The following SVEP1 variants were observed in gnomAD, a reference collection of about 807,000 sequenced individuals.
SVEP1 encodes sushi, von Willebrand factor type A, EGF and pentraxin domain-containing protein 1.
Under a neutral mutation model 367.3 loss-of-function variants are expected in SVEP1, and 164 were observed. The observed-to-expected ratio is 0.45, with a 90% CI of 0.39 to 0.51. The LOEUF is 0.51. Among genes scored for constraint, SVEP1 ranks in the 20% least tolerant of loss-of-function variants. The probability of loss-of-function intolerance (pLI) is 0.00; values close to 1 mark genes in which losing one functional copy is unlikely to be tolerated. For missense variants in SVEP1, 4,117 were observed against 4,425.3 expected (o/e 0.93, Z 1.98); for synonymous variants, 1,666 against 1,611.6 (o/e 1.03, Z -0.81).
At chr9:110,416,113 A>G (rs1208083539) in intron 36 of SVEP1, among the ~76,000 whole-genome samples, 1 of 152,084 alleles carries the variant, frequency 6.6e-6, no homozygotes, top group South Asian at 2.1e-4. Flanking sequence ...CCTGTTTACT[A>G]TAAGGGCACA....
Position 110,574,742 on chromosome 9 carries a change from TC to T in SVEP1, c.531+4270del, listed in dbSNP as rs149539668. ...GACAGGGACTGAGTCCAGTCGACCTTCTTTTTTTTTTTTTTTTTTTTTTTGA... is the reference window on the plus strand; with the variant it reads ...GACAGGGACTGAGTCCAGTCGACCTTTTTTTTTTTTTTTTTTTTTTTTTGA... On this transcript the variant is annotated intron_variant, in intron 1 of 47. Coordinates refer to ENST00000374469, the MANE Select transcript of SVEP1 (RefSeq NM_153366.4). 5.7e-3 allele frequency among the ~76,000 whole-genome samples: 590 copies of T among 102,754 alleles called. 10 individuals carry two copies. Among genetic ancestry groups the T allele is most frequent in the African/African-American group, 0.011 (327 of 29,186 alleles). 67.4% of individuals were successfully genotyped at this position (102,754 alleles called of 152,430 possible).
chr9:110,406,698 C>A lies in SVEP1; in HGVS notation c.8902G>T (p.Gly2968Trp). ...AAGCACTGATACTGTATATGGCCCC[C>A]ATGAATAAAGGAAAAACCATTAGGG... ...GFPNGFSFIH[G>W]GHIQYQCFPG... Residue 2968 changes from glycine (G) to tryptophan (W), a missense_variant, in exon 38 of 48, where the codon GGG becomes TGG. Physicochemically the swap from Gly to Trp is radical, Grantham distance 184. This residue lies in a region of SVEP1 where 1,765 missense variants were observed against 1,781.1 expected (regional missense o/e 0.99). Transcript: ENST00000374469. The A allele has an allele frequency of 6.2e-7, 1 of 1,613,998 alleles. No individual in the cohort carries two copies.
At chr9:110,382,349 G>C (rs1381231185) in intron 43 of SVEP1, among the ~76,000 whole-genome samples, 1 of 152,102 alleles carries the variant, frequency 6.6e-6, no homozygotes, top group African/African-American at 2.4e-5. Context: ...ACTTAGTTTG[G>C]CTGGCTATGA....
intron 39 of SVEP1, among the ~76,000 whole-genome samples, chr9:110,403,317 T>C (rs888118193): frequency 2.1e-4 from 29 of 139,824 alleles, no homozygotes; most frequent in Non-Finnish European, 3.8e-4. Context: ...TTTTTTTTTT[T>C]TTTTTTGACA....
rs188403867 is a variant in SVEP1 at position 110,541,886 on chromosome 9, T to C, written c.964+4229A>G. Among the ~76,000 whole-genome samples, 198 of 142,918 alleles carry C rather than the reference T, an allele frequency of 1.4e-3. 2 individuals carry two copies. Among genetic ancestry groups the C allele is most frequent in the African/African-American group, 4.6e-3 (173 of 37,528 alleles). 93.8% of individuals were successfully genotyped at this position (142,918 alleles called of 152,430 possible). Reference sequence around the variant, plus strand: ...ATACATAGATATCTATATATATCTATATACATAGATATCTATATATATCTA... The same window carrying C: ...ATACATAGATATCTATATATATCTACATACATAGATATCTATATATATCTA... On this transcript the variant is annotated intron_variant, in intron 3 of 47. Transcript: ENST00000374469.
intron 31 of SVEP1, 49 bp from the exon 32 acceptor site, chr9:110,432,083 T>C (rs751831232): frequency 6.5e-7 from 1 of 1,545,108 alleles, no homozygotes; most frequent in African/African-American, 1.4e-5. Context: ...CTTTTCCGTA[T>C]GTATCAAACA....
At chr9:110,425,013 A>G (rs1022187940) in intron 36 of SVEP1, among the ~76,000 whole-genome samples, 1 of 152,194 alleles carries the variant, frequency 6.6e-6, no homozygotes, top group Non-Finnish European at 1.5e-5. Flanking sequence ...GTTTTGTTAA[A>G]AATTTGGCCA....
chr9:110,443,954 G>T (rs77762920), intron 26 of SVEP1, among the ~76,000 whole-genome samples: 2,272 of 152,142 alleles, frequency 0.015, 47 homozygotes, highest in East Asian at 0.072. Flanking sequence ...TAAACACTGA[G>T]GGGTAGGAAA....
chr9:110,409,036 A>G, intron 37 of SVEP1, 85 bp from the exon 38 acceptor site: 1 of 1,424,738 alleles, frequency 7.0e-7, no homozygotes, highest in Non-Finnish European at 9.4e-7. Context: ...GAAAAAAACT[A>G]AAAGGTCTAT....
At chr9:110,366,626 C>CTCTT (rs1827204741) in intron 47 of SVEP1, 66 bp from the exon 48 acceptor site, 1 of 1,469,434 alleles carries the variant, frequency 6.8e-7, no homozygotes, top group African/African-American at 1.4e-5. Flanking sequence ...GAGCTAACAT[C>CTCTT]TCTTTAGGAG....
At chr9:110,506,481 C>T (rs1410843650) in intron 5 of SVEP1, among the ~76,000 whole-genome samples, 1 of 152,184 alleles carries the variant, frequency 6.6e-6, no homozygotes, top group Non-Finnish European at 1.5e-5. Flanking sequence ...CACCTTATCT[C>T]AGCTTCTACC....
intron 47 of SVEP1, among the ~76,000 whole-genome samples, chr9:110,367,321 G>A (rs1827215176): frequency 6.6e-6 from 1 of 152,100 alleles, no homozygotes; most frequent in Non-Finnish European, 1.5e-5. Context: ...CACCATGCCT[G>A]GCTAATTTTT....
chr9:110,409,209 G>A (rs1194261537), intron 37 of SVEP1, among the ~76,000 whole-genome samples: 1 of 152,174 alleles, frequency 6.6e-6, no homozygotes, highest in Non-Finnish European at 1.5e-5. Flanking sequence ...GCCGAGGCAG[G>A]AGGAACACTT....
chr9:110,391,183 G>A (rs1827649234), intron 40 of SVEP1, among the ~76,000 whole-genome samples: 1 of 151,664 alleles, frequency 6.6e-6, no homozygotes, highest in Non-Finnish European at 1.5e-5. Context: ...TACCAAATAA[G>A]ATCCATACAC....
chr9:110,415,155 G>A (rs1007303640), intron 36 of SVEP1, among the ~76,000 whole-genome samples: 3 of 152,036 alleles, frequency 2.0e-5, no homozygotes, highest in African/African-American at 4.8e-5. Context: ...GTTTAGGGTA[G>A]GACACAGAAA....
Position 110,387,300 on chromosome 9 carries a change from C to G in SVEP1, c.10045G>C (p.Val3349Leu). ...CTENGTWSHP[V>L]PLCKPNPCPV... The stretch of plus-strand genomic sequence containing the variant: ...CAACACACACGTTTGCAGAGAGGGA[C>G]TGGGTGGCTCCAGGTTCCATTTTCT... The change falls in exon 42 of 48, where the codon GTC becomes CTC. Residue 3349 changes from valine (V) to leucine (L), a missense_variant. Physicochemically the swap from Val to Leu is conservative, Grantham distance 32. This residue lies in a region of SVEP1 where 1,765 missense variants were observed against 1,781.1 expected (regional missense o/e 0.99). Transcript: ENST00000374469. 6.3e-7 allele frequency: 1 copy of G among 1,598,180 alleles called. No individual in the cohort carries two copies. Among genetic ancestry groups the G allele is most frequent in the Non-Finnish European group, 8.5e-7 (1 of 1,176,014 alleles).
At chr9:110,462,234 C>T (rs917053151) in intron 18 of SVEP1, among the ~76,000 whole-genome samples, 2 of 151,830 alleles carry the variant, frequency 1.3e-5, no homozygotes, top group Non-Finnish European at 2.9e-5. Flanking sequence ...AAAAATTGTA[C>T]TAAGATGTAA....
intron 32 of SVEP1, 69 bp downstream of exon 32, chr9:110,431,846 T>C (rs1306858462): frequency 3.2e-6 from 5 of 1,581,660 alleles, no homozygotes; most frequent in Non-Finnish European, 4.3e-6. Context: ...AGAAATAACA[T>C]ACACTTAAAA....
chr9:110,417,067 G>T (rs1245973134), intron 36 of SVEP1, among the ~76,000 whole-genome samples: 2 of 152,034 alleles, frequency 1.3e-5, no homozygotes, highest in Non-Finnish European at 2.9e-5. Flanking sequence ...TAAGGCAACG[G>T]AATAATAGCT....
Sources: allele counts gnomAD v4.1 joint callset (sites outside exome capture counted in the v4.1 genomes callset), GRCh38; gene constraint gnomAD v4.1.1; regional missense constraint gnomAD v4.1.1; transcripts MANE v1.5; gene names NCBI Gene and HGNC (gene_info 2026-07-23, HGNC 2026-07-21).